The following GALK2 variants were observed in gnomAD, a reference collection of about 807,000 sequenced individuals.
The protein encoded by GALK2 is galactokinase 2.
GALK2 carries 36 observed loss-of-function variants against 52.4 expected under a neutral mutation model. That is an observed-to-expected ratio of 0.69 (90% CI 0.53 to 0.91). The LOEUF is 0.91. GALK2 is among the 40% of genes least tolerant of loss of function. The pLI is 0.00. For synonymous variants in GALK2, 176 were observed against 199.1 expected, an observed-to-expected ratio of 0.88 and a Z score of 0.98; for missense variants, 579 against 559.1, an observed-to-expected ratio of 1.04 and a Z score of -0.36.
intron 1 of GALK2, among the ~76,000 whole-genome samples, chr15:49,195,686 T>C (rs2087161491): frequency 6.6e-6 from 1 of 152,196 alleles, no homozygotes; most frequent in Non-Finnish European, 1.5e-5. Context: ...CATGGCAGGT[T>C]GCCTAAGCTG....
In GALK2 at chr15:49,170,250, G is replaced by T; in HGVS notation, c.-73G>T. ...CCGGAAGAAAACGGCTCCTGTCACA[G>T]AAGTCTCGTGATTGCTCTGGGAGCT... On this transcript the variant is annotated 5_prime_UTR_variant, in exon 1 of 10. Transcript: ENST00000560031. 6.5e-7 allele frequency: 1 copy of T among 1,544,826 alleles called. No individual in the cohort carries two copies. Among genetic ancestry groups the T allele is most frequent in the Non-Finnish European group, 8.8e-7 (1 of 1,142,562 alleles).
intron 5 of GALK2, among the ~76,000 whole-genome samples, chr15:49,255,691 T>C (rs960811060): frequency 1.3e-5 from 2 of 152,118 alleles, no homozygotes; most frequent in Middle Eastern, 3.2e-3. Context: ...TGCCATAGTT[T>C]AGGTATGTCA....
chr15:49,257,065 T>TC (rs1363354572), intron 5 of GALK2, among the ~76,000 whole-genome samples: 1 of 152,170 alleles, frequency 6.6e-6, no homozygotes, highest in African/African-American at 2.4e-5. Context: ...GCAGGGTTGA[T>TC]CCACTGGTCT....
chr15:49,282,079 AG>A lies in GALK2; in HGVS notation c.599del (p.Gly200GlufsTer5), dbSNP rs771750846. ...AGTCTATATCATTTCTTGCAGAAGA[AG>A]GAACTGTAGGTAGCATTCCAAGTAG... ...DQSISFLAEE[G>X]TAKLIEFSPL... is the part of the protein sequence containing the mutation. On this transcript the variant is annotated frameshift_variant, in exon 6 of 10. Transcript: ENST00000560031. LOFTEE classifies it high-confidence loss of function. 12 of 1,608,268 alleles carry A rather than the reference AG, an allele frequency of 7.5e-6. No homozygotes were observed. The highest frequency in any genetic ancestry group is 8.5e-6 in the Non-Finnish European group (10 of 1,175,222).
chr15:49,360,636 A>C (rs922717675), intron 3 of GALK2, among the ~76,000 whole-genome samples: 1 of 152,178 alleles, frequency 6.6e-6, no homozygotes, highest in East Asian at 1.9e-4. Flanking sequence ...TGCAGTTTAA[A>C]GATATACCAT....
Position 49,299,754 on chromosome 15 carries a change from T to TC in GALK2, c.967+7218dup, listed in dbSNP as rs1273723731. On this transcript the variant is annotated intron_variant, in intron 8 of 9. Coordinates refer to ENST00000560031, the MANE Select transcript of GALK2 (RefSeq NM_002044.4). ...TCTTTCTTTTCTTTCTTTCTTTCTTTCTTTCTTTCTTTCTTTCTTTCTTTC... is the reference window on the plus strand; with the variant it reads ...TCTTTCTTTTCTTTCTTTCTTTCTTTCCTTTCTTTCTTTCTTTCTTTCTTTC... Among the ~76,000 whole-genome samples the TC allele has an allele frequency of 2.2e-4, 30 of 138,592 alleles. 3 individuals are homozygous for TC. Among genetic ancestry groups the TC allele is most frequent in the African/African-American group, 8.0e-4 (28 of 35,054 alleles). 90.9% of individuals were successfully genotyped at this position (138,592 alleles called of 152,430 possible).
At chr15:49,168,877 C>G (rs1263306091), upstream of GALK2, among the ~76,000 whole-genome samples, 1 of 151,812 alleles carries the variant, frequency 6.6e-6, no homozygotes, top group African/African-American at 2.4e-5. Flanking sequence ...GAACATCAAA[C>G]TGGGATTTAT....
intron 6 of GALK2, 133 bp downstream of exon 6, chr15:49,282,218 A>C: frequency 3.8e-6 from 2 of 529,692 alleles, no homozygotes; most frequent in South Asian, 3.2e-5. Flanking sequence ...GTAGGATATT[A>C]TTTCCCAACT....
chr15:49,173,345 T>C (rs1390705261), intron 1 of GALK2, among the ~76,000 whole-genome samples: 1 of 152,200 alleles, frequency 6.6e-6, no homozygotes, highest in African/African-American at 2.4e-5. Context: ...GCTTCTATCT[T>C]TTGGCTCTTA....
upstream of GALK2, chr15:49,170,001 A>G (rs1400032951): frequency 1.3e-5 from 4 of 302,306 alleles, no homozygotes; most frequent in Admixed American, 1.7e-4. Flanking sequence ...ACAGGGCGCA[A>G]AAAGAAAACC....
At chr15:49,158,001 AT>A (rs199879992) in intron 1 of GALK2, among the ~76,000 whole-genome samples, 6 of 150,298 alleles carry the variant, frequency 4.0e-5, no homozygotes, top group Non-Finnish European at 5.9e-5. Context: ...GGAATAATGA[AT>A]TTTTTTTTTG....
At chr15:49,244,704 G>A (rs1251602787) in intron 5 of GALK2, among the ~76,000 whole-genome samples, 1 of 152,086 alleles carries the variant, frequency 6.6e-6, no homozygotes, top group East Asian at 1.9e-4. Flanking sequence ...ATATGAGAGA[G>A]GAGTTGGGTA....
chr15:49,242,641 C>T (rs542520352), intron 5 of GALK2, among the ~76,000 whole-genome samples: 1 of 152,288 alleles, frequency 6.6e-6, no homozygotes, highest in South Asian at 2.1e-4. Context: ...AGATGTGGAA[C>T]TTGTTAATTC....
At chr15:49,273,861 C>T (rs1212247045) in intron 5 of GALK2, among the ~76,000 whole-genome samples, 3 of 152,098 alleles carry the variant, frequency 2.0e-5, no homozygotes, top group Admixed American at 2.0e-4. Flanking sequence ...TTTACTTTAT[C>T]TAGATGAAAC....
intron 5 of GALK2, among the ~76,000 whole-genome samples, chr15:49,265,048 G>T (rs1226314921): frequency 6.6e-6 from 1 of 152,216 alleles, no homozygotes; most frequent in Non-Finnish European, 1.5e-5. Context: ...TGAGGAGGCA[G>T]TCTGCCCATT....
chr15:49,328,314 T>G lies in GALK2; in HGVS notation c.*155T>G. ...TTTTCAAAGAAATGGTTGAAAGCTC[T>G]CTATGCTTCATAATGATTCTTTTTC... On this transcript the variant is annotated 3_prime_UTR_variant, in exon 10 of 10. Transcript: ENST00000560031. 1 of 1,434,450 alleles carries G rather than the reference T, an allele frequency of 7.0e-7. No homozygotes were observed. Among genetic ancestry groups the G allele is most frequent in the Non-Finnish European group, 9.1e-7 (1 of 1,098,138 alleles). 88.9% of individuals were successfully genotyped at this position (1,434,450 alleles called of 1,614,324 possible).
At chr15:49,299,771 CTTT>C (rs2034915339) in intron 8 of GALK2, among the ~76,000 whole-genome samples, 10 of 124,900 alleles carry the variant, frequency 8.0e-5, no homozygotes, top group African/African-American at 1.6e-4. Context: ...TTCTTTCTTT[CTTT>C]CTTTCTTTCT....
rs538711193 is a variant in GALK2, at chr15:49,211,069, C to G, written c.143-6121C>G. ...TTTCAAACTTGTTCACTCTGCTTCC[C>G]TTTTAAATATAAATTCCAGTTTCAG... is the stretch of plus-strand genomic sequence containing the variant. On this transcript the variant is annotated intron_variant, in intron 2 of 9. Transcript: ENST00000560031. Among the ~76,000 whole-genome samples, 20 of 152,120 alleles carry G rather than the reference C, an allele frequency of 1.3e-4. No individual in the cohort carries two copies. In the East Asian group the frequency reaches 3.5e-3, roughly 26 times the overall value.
intron 3 of GALK2, among the ~76,000 whole-genome samples, chr15:49,222,201 T>G (rs1478987023): frequency 6.6e-6 from 1 of 152,164 alleles, no homozygotes; most frequent in Non-Finnish European, 1.5e-5. Flanking sequence ...TCTCAGCTAG[T>G]TCATTATTGA....
Sources: allele counts gnomAD v4.1 joint callset (sites outside exome capture counted in the v4.1 genomes callset), GRCh38; gene constraint gnomAD v4.1.1; transcripts MANE v1.5; gene names NCBI Gene and HGNC (gene_info 2026-07-23, HGNC 2026-07-21).